Variants in EPHA3 observed in about 807,000 individuals in gnomAD.
EPHA3 encodes ephrin type-A receptor 3.
EPHA3 carries 42 observed loss-of-function variants against 107.1 expected under a neutral mutation model. The ratio of observed to expected loss-of-function variants is 0.39; its 90% confidence interval spans 0.31 to 0.51. The LOEUF is 0.51. Ranked by LOEUF, EPHA3 falls within the 20% of genes least tolerant of loss-of-function variation. The pLI, the probability that EPHA3 is intolerant of heterozygous loss-of-function variation, is 0.78. For missense variants in EPHA3, 1,183 were observed against 1,211.2 expected (o/e 0.98, Z 0.35); for synonymous variants, 461 against 424.8 (o/e 1.09, Z -1.05).
intron 10 of EPHA3, among the ~76,000 whole-genome samples, chr3:89,415,869 A>G (rs1021354351): frequency 1.3e-5 from 2 of 151,520 alleles, no homozygotes; most frequent in African/African-American, 4.8e-5. Flanking sequence ...ATTTGAATAG[A>G]CTTGTTTGGA....
intron 15 of EPHA3, among the ~76,000 whole-genome samples, chr3:89,460,698 C>T (rs1403658214): frequency 4.7e-5 from 7 of 147,874 alleles, no homozygotes; most frequent in Non-Finnish European, 3.0e-5. Context: ...GCCTTTATTT[C>T]TCAAAATGAC....
intron 3 of EPHA3, among the ~76,000 whole-genome samples, chr3:89,228,889 C>A (rs1704562333): frequency 6.6e-6 from 1 of 151,880 alleles, no homozygotes; most frequent in African/African-American, 2.4e-5. Flanking sequence ...CTTCCCAAGG[C>A]AGTACATGAG....
chr3:89,431,715 A>T (rs1709573517), intron 13 of EPHA3, among the ~76,000 whole-genome samples: 1 of 152,108 alleles, frequency 6.6e-6, no homozygotes, highest in Admixed American at 6.6e-5. Flanking sequence ...TTATCCCAGT[A>T]CATATCATTT....
At position 89,253,070 on chromosome 3, in the gene EPHA3, T is replaced by C. The variant is rs1705200948; in HGVS notation, c.814+42550T>C. ...AGAGAAAGATTTATGCATTGACAAG[T>C]GGGGAGGTGAAACGCTGGTTAAAAG... On this transcript the variant is annotated intron_variant, in intron 3 of 16. Coordinates refer to ENST00000336596, the MANE Select transcript of EPHA3 (RefSeq NM_005233.6). Among the ~76,000 whole-genome samples the C allele has an allele frequency of 2.6e-5, 4 of 151,988 alleles. No homozygotes were observed. In the South Asian group the frequency reaches 8.3e-4, roughly 31 times the overall value.
chr3:89,147,959 T>C (rs1704603175), intron 2 of EPHA3, among the ~76,000 whole-genome samples: 1 of 151,748 alleles, frequency 6.6e-6, no homozygotes, highest in South Asian at 2.1e-4. Context: ...TAAGGAAAAA[T>C]AATGGATCGT....
rs1270511077 is a variant in EPHA3, at chr3:89,160,576, G to C, written c.153+33303G>C. On this transcript the variant is annotated intron_variant, in intron 2 of 16. Coordinates refer to ENST00000336596, the MANE Select transcript of EPHA3 (RefSeq NM_005233.6). The stretch of plus-strand genomic sequence containing the variant: ...TGTGTGTGTGTGTGTGTGTGTGTGT[G>C]TGTGTGTGTGTGTGCGCGCATTCTT... Among the ~76,000 whole-genome samples, 3 of 140,636 alleles carry C rather than the reference G, an allele frequency of 2.1e-5. No individual in the cohort carries two copies. In the East Asian group the frequency reaches 6.2e-4, roughly 29 times the overall value. The allele number at this position is 140,636 out of a possible 152,430, so 92.3% of individuals were successfully genotyped here.
At chr3:89,332,865 C>T (rs1266084433) in intron 3 of EPHA3, among the ~76,000 whole-genome samples, 1 of 152,060 alleles carries the variant, frequency 6.6e-6, no homozygotes, top group African/African-American at 2.4e-5. Flanking sequence ...AATTTAAAGT[C>T]AATTCAAATT....
chr3:89,365,702 A>G (rs151175717), intron 5 of EPHA3, among the ~76,000 whole-genome samples: 1,759 of 150,784 alleles, frequency 0.012, 92 homozygotes, highest in Middle Eastern at 0.021. Flanking sequence ...TCCTGAACCT[A>G]CTTAGCATCA....
chr3:89,377,461 A>G (rs1708423907), intron 5 of EPHA3, among the ~76,000 whole-genome samples: 2 of 152,182 alleles, frequency 1.3e-5, no homozygotes, highest in African/African-American at 4.8e-5. Flanking sequence ...AGGTTAACAA[A>G]GAGTAAAAAT....
At chr3:89,383,849 T>C (rs565078777) in intron 5 of EPHA3, among the ~76,000 whole-genome samples, 2,410 of 151,738 alleles carry the variant, frequency 0.016, 66 homozygotes, top group African/African-American at 0.055. Context: ...GGGGTTTCAC[T>C]ATGTTAGCCA....
At chr3:89,123,432 C>G (rs545970205) in intron 1 of EPHA3, among the ~76,000 whole-genome samples, 2 of 152,028 alleles carry the variant, frequency 1.3e-5, no homozygotes, top group African/African-American at 2.4e-5. Flanking sequence ...CATGAGCCAC[C>G]GCGCCCGCCA....
chr3:89,221,678 G>C (rs1395612442), intron 3 of EPHA3, among the ~76,000 whole-genome samples: 2 of 152,090 alleles, frequency 1.3e-5, no homozygotes, highest in African/African-American at 2.4e-5. Flanking sequence ...GCCTTACGAG[G>C]TAAATCTTAT....
chr3:89,148,971 C>A (rs1468041901), intron 2 of EPHA3, among the ~76,000 whole-genome samples: 4 of 151,832 alleles, frequency 2.6e-5, no homozygotes, highest in African/African-American at 9.7e-5. Context: ...CATCAGGAAC[C>A]TGAGAATACC....
chr3:89,380,404 G>C (rs1708478412), intron 5 of EPHA3, among the ~76,000 whole-genome samples: 1 of 152,080 alleles, frequency 6.6e-6, no homozygotes, highest in Admixed American at 6.6e-5. Flanking sequence ...TTCAAATTTG[G>C]CTCCTCAATT....
At chr3:89,149,895 C>G in intron 2 of EPHA3, among the ~76,000 whole-genome samples, 1 of 151,820 alleles carries the variant, frequency 6.6e-6, no homozygotes, top group East Asian at 1.9e-4. Flanking sequence ...AAATATTCTG[C>G]TCTCATCTCA....
chr3:89,307,754 T>G (rs1706660764), intron 3 of EPHA3, among the ~76,000 whole-genome samples: 1 of 152,086 alleles, frequency 6.6e-6, no homozygotes, highest in African/African-American at 2.4e-5. Context: ...GGTCTGTTCA[T>G]GTTGCCCAGG....
At chr3:89,154,936 A>G (rs1380048096) in intron 2 of EPHA3, among the ~76,000 whole-genome samples, 1 of 149,016 alleles carries the variant, frequency 6.7e-6, no homozygotes, top group African/African-American at 2.4e-5. Flanking sequence ...TCATTGCTCC[A>G]CTATTATAAC....
rs368638218 is a variant in EPHA3 at position 89,295,739 on chromosome 3, C to T, written c.815-45177C>T. The stretch of plus-strand genomic sequence containing the variant: ...TCAAGTAGCTGGGATTGTAGGCATG[C>T]ACCACCACACCCGGCTAATTTTTGT... On this transcript the variant is annotated intron_variant, in intron 3 of 16. Coordinates refer to ENST00000336596, the MANE Select transcript of EPHA3 (RefSeq NM_005233.6). Among the ~76,000 whole-genome samples the T allele has an allele frequency of 3.9e-5, 6 of 152,116 alleles. No individual in the cohort carries two copies. The East Asian group carries it at 9.7e-4, about 25-fold the overall frequency.
chr3:89,180,619 A>G (rs1705422156), intron 2 of EPHA3, among the ~76,000 whole-genome samples: 1 of 151,988 alleles, frequency 6.6e-6, no homozygotes, highest in South Asian at 2.1e-4. Flanking sequence ...GTAGCGTTAT[A>G]AGGCCATAGA....
Sources: gnomAD v4.1 joint callset for allele counts (sites outside exome capture counted in the v4.1 genomes callset) on GRCh38, gnomAD v4.1.1 for gene constraint, MANE v1.5 for transcripts, NCBI Gene and HGNC (gene_info 2026-07-23, HGNC 2026-07-21) for gene names.